MYO18B: variants seen among roughly 807,000 people sequenced by gnomAD.
MYO18B encodes unconventional myosin-XVIIIb.
Under a neutral mutation model 273.0 loss-of-function variants are expected in MYO18B, and 204 were observed. The observed-to-expected ratio is 0.75, with a 90% confidence interval of 0.67 to 0.84. MYO18B has a LOEUF of 0.84. Among genes scored for constraint, MYO18B ranks in the 40% least tolerant of loss-of-function variants. MYO18B has a pLI of 0.00. For missense variants in MYO18B, 3,212 were observed against 3,287.6 expected, an observed-to-expected ratio of 0.98 and a Z score of 0.56; for synonymous variants, 1,330 against 1,305.7, an observed-to-expected ratio of 1.02 and a Z score of -0.40.
intron 34 of MYO18B, among the ~76,000 whole-genome samples, chr22:25,932,335 ATCCT>A (rs963398601): frequency 7.3e-5 from 11 of 151,494 alleles, no homozygotes; most frequent in African/African-American, 2.7e-4. Context: ...ATTGATAAAA[ATCCT>A]TCCTTCCTTC....
chr22:26,035,956 CCAGGCCAACA>C, downstream of MYO18B, among the ~76,000 whole-genome samples: 1 of 152,342 alleles, frequency 6.6e-6, no homozygotes, highest in Middle Eastern at 3.4e-3. Flanking sequence ...GAGGCCCTCT[CCAGGCCAACA>C]CAGACCCAAC....
intron 13 of MYO18B, among the ~76,000 whole-genome samples, chr22:25,825,582 A>C (rs1344851459): frequency 6.6e-6 from 1 of 152,094 alleles, no homozygotes; most frequent in African/African-American, 2.4e-5. Flanking sequence ...CTGTAATTAT[A>C]GTTTTTGAGC....
intron 42 of MYO18B, among the ~76,000 whole-genome samples, chr22:26,022,096 C>A (rs1935869541): frequency 6.6e-6 from 1 of 151,972 alleles, no homozygotes; most frequent in African/African-American, 2.4e-5. Flanking sequence ...AGTAACAGTG[C>A]CCCTGCCTAT....
chr22:25,872,750 T>G (rs973862310), intron 22 of MYO18B, among the ~76,000 whole-genome samples: 1 of 152,166 alleles, frequency 6.6e-6, no homozygotes, highest in African/African-American at 2.4e-5. Context: ...TAAAGTGTTT[T>G]CCCTGCATGT....
chr22:25,822,402 A>C (rs2089316833), intron 12 of MYO18B, among the ~76,000 whole-genome samples: 3 of 152,306 alleles, frequency 2.0e-5, no homozygotes, highest in Admixed American at 1.3e-4. Flanking sequence ...CAGAGGGCAG[A>C]GGGAACTTTA....
At chr22:25,809,726 T>A (rs2088649517) in intron 12 of MYO18B, among the ~76,000 whole-genome samples, 1 of 152,058 alleles carries the variant, frequency 6.6e-6, no homozygotes, top group South Asian at 2.1e-4. Context: ...AAGGGCCCAG[T>A]CCCACACAGA....
At chr22:25,802,411 G>A (rs2088242667) in intron 12 of MYO18B, among the ~76,000 whole-genome samples, 1 of 152,008 alleles carries the variant, frequency 6.6e-6, no homozygotes, top group African/African-American at 2.4e-5. Flanking sequence ...TCAAATTATT[G>A]GCAATTAACT....
intron 39 of MYO18B, among the ~76,000 whole-genome samples, chr22:25,961,837 A>C (rs1367096056): frequency 6.6e-6 from 1 of 152,176 alleles, no homozygotes; most frequent in Non-Finnish European, 1.5e-5. Flanking sequence ...GTGCCTCCTC[A>C]TGGTAACGAG....
rs747730057 is a variant in MYO18B, at chr22:25,876,166, G to A, written c.4081-23G>A. 1.1e-5 allele frequency: 17 copies of A among 1,604,344 alleles called. 1 individual carries two copies. The South Asian group carries it at 1.8e-4, about 17-fold the overall frequency. ...CACCTGGGTTGGAAAGGACCCTCCA[G>A]TCTGTGTTCTCCTTCCCTGCAGATT... On this transcript the variant is annotated intron_variant, in intron 23 of 43. Transcript: ENST00000335473.
intron 1 of MYO18B, among the ~76,000 whole-genome samples, chr22:25,754,947 G>T (rs1223232946): frequency 6.6e-6 from 1 of 152,220 alleles, no homozygotes; most frequent in Admixed American, 6.5e-5. Flanking sequence ...TGATTCTTGG[G>T]AAGCGGCTGC....
At position 25,891,515 on chromosome 22, in the gene MYO18B, T is replaced by C. The variant is rs35761934; in HGVS notation, c.4543+103T>C. Reference sequence around the variant, plus strand: ...CACTTTTTAGGTGCTAGATATTGCATGAGGGGCTGCGACTTTGGCAGAGCA... The same window carrying C: ...CACTTTTTAGGTGCTAGATATTGCACGAGGGGCTGCGACTTTGGCAGAGCA... On this transcript the variant is annotated intron_variant, in intron 27 of 43. Coordinates refer to ENST00000335473, the MANE Select transcript of MYO18B (RefSeq NM_032608.7). 38,869 of 725,494 alleles carry C rather than the reference T, an allele frequency of 0.054. 1,764 individuals are homozygous for C. The highest frequency in any genetic ancestry group is 0.18 in the African/African-American group (10,179 of 56,298). The allele number at this position is 725,494 out of a possible 1,614,324, so 44.9% of individuals were successfully genotyped here. A position where few individuals can be genotyped will look rare whatever the true frequency, so the allele number is the denominator to read the frequency against.
chr22:25,881,659 G>T (rs2091339393), intron 25 of MYO18B, among the ~76,000 whole-genome samples: 1 of 152,196 alleles, frequency 6.6e-6, no homozygotes, highest in South Asian at 2.1e-4. Context: ...ATCCAGAGCT[G>T]CAGTTTACAG....
chr22:26,047,996 A>G, the MYO18B span, among the ~76,000 whole-genome samples: 5 of 151,902 alleles, frequency 3.3e-5, no homozygotes, highest in African/African-American at 2.4e-5. Flanking sequence ...TGCTCTTCCC[A>G]TTGGAATTCT....
intron 35 of MYO18B, among the ~76,000 whole-genome samples, chr22:25,946,642 C>T (rs1208720785): frequency 6.6e-6 from 1 of 152,200 alleles, no homozygotes; most frequent in Admixed American, 6.5e-5. Flanking sequence ...TTGTTATTTG[C>T]TCAGTACCCA....
chr22:25,919,666 T>TTGTG (rs977900012), intron 33 of MYO18B, among the ~76,000 whole-genome samples: 26 of 138,478 alleles, frequency 1.9e-4, no homozygotes, highest in African/African-American at 6.5e-4. Flanking sequence ...GCAGGTGAGA[T>TTGTG]TGTGTGTGTG....
chr22:25,979,866 G>A (rs2093131581), intron 39 of MYO18B, among the ~76,000 whole-genome samples: 1 of 151,936 alleles, frequency 6.6e-6, no homozygotes, highest in African/African-American at 2.4e-5. Flanking sequence ...GTGTGATAAG[G>A]TCTTGAGGAG....
chr22:25,910,966 G>C lies in MYO18B; in HGVS notation c.5280G>C (p.Gln1760His). ...CACAGCTTCATCAGCTGGAAATGCA[G>C]CTGGAGCAAGAGTATGAAGAGAAGC... is the stretch of plus-strand genomic sequence containing the variant. The part of the protein sequence containing the change: ...CQKRLHQLEM[Q>H]LEQEYEEKQM... The change falls in exon 33 of 44, where the codon CAG (glutamine) becomes CAC (histidine). Residue 1760 changes from glutamine to histidine, a missense_variant. Physicochemically the swap from Gln to His is conservative, Grantham distance 24. Coordinates refer to ENST00000335473, the MANE Select transcript of MYO18B (RefSeq NM_032608.7). The C allele has an allele frequency of 6.3e-7, 1 of 1,597,904 alleles. No individual in the cohort carries two copies. The highest frequency in any genetic ancestry group is 2.3e-5 in the East Asian group (1 of 44,380).
chr22:25,994,835 A>C (rs572463396), intron 40 of MYO18B, among the ~76,000 whole-genome samples: 2 of 152,262 alleles, frequency 1.3e-5, no homozygotes, highest in Admixed American at 6.5e-5. Flanking sequence ...CATGAATTAC[A>C]CCAGGAATGA....
chr22:25,835,368 G>C lies in MYO18B; in HGVS notation c.3133G>C (p.Val1045Leu). 3 of 1,614,020 alleles carry C rather than the reference G, an allele frequency of 1.9e-6. No individual in the cohort carries two copies. The highest frequency in any genetic ancestry group is 2.5e-6 in the Non-Finnish European group (3 of 1,179,892). ...CTGGGTCTTAGATGAGGAAGTCCAT[G>C]TAGAGGGCTCCAGTGACAGTGTGGT... is the stretch of plus-strand genomic sequence containing the variant. ...LFWVLDEEVHVEGSSDSVVLE... is the reference protein window; with the variant it reads ...LFWVLDEEVHLEGSSDSVVLE... Residue 1045 changes from valine (V) to leucine (L), a missense_variant, in exon 17 of 44, where the codon GTA (valine) becomes CTA (leucine). Coordinates refer to ENST00000335473, the MANE Select transcript of MYO18B (RefSeq NM_032608.7).
Sources: allele counts gnomAD v4.1 joint callset (sites outside exome capture counted in the v4.1 genomes callset), GRCh38; gene constraint gnomAD v4.1.1; transcripts MANE v1.5; gene names NCBI Gene and HGNC (gene_info 2026-07-23, HGNC 2026-07-21).